Variants in RASSF8 observed in about 807,000 individuals in gnomAD.
RASSF8 encodes the protein ras association domain-containing protein 8.
RASSF8 carries 22 observed loss-of-function variants against 48.5 expected under a neutral mutation model. The observed-to-expected ratio is 0.45, with a 90% CI of 0.32 to 0.65. RASSF8 has a LOEUF of 0.65. Ranked by LOEUF, RASSF8 falls within the 30% of genes least tolerant of loss-of-function variation. The pLI, the probability that RASSF8 is intolerant of heterozygous loss-of-function variation, is 0.03. For missense variants in RASSF8, 418 were observed against 489.2 expected, an observed-to-expected ratio of 0.85 and a Z score of 1.37; for synonymous variants, 127 against 171.5, an observed-to-expected ratio of 0.74 and a Z score of 2.03.
At chr12:25,988,173 A>C (rs1260150676) in intron 1 of RASSF8, among the ~76,000 whole-genome samples, 21 of 151,996 alleles carry the variant, frequency 1.4e-4, no homozygotes, top group Admixed American at 1.4e-3. Context: ...AATTAATGTT[A>C]TTTTTTAAAA....
At chr12:26,012,377 C>T (rs987951440) in intron 2 of RASSF8, among the ~76,000 whole-genome samples, 8 of 152,162 alleles carry the variant, frequency 5.3e-5, no homozygotes, top group African/African-American at 1.7e-4. Context: ...TCCTCTTTTT[C>T]CTCAAATAGC....
chr12:26,018,166 T>C (rs1942696358), intron 2 of RASSF8, among the ~76,000 whole-genome samples: 1 of 152,242 alleles, frequency 6.6e-6, no homozygotes. Flanking sequence ...CCAGTTTTTG[T>C]TTACTTTTTT....
rs1487034604 is a variant in RASSF8 at position 26,069,460 on chromosome 12, A to G, written c.*642A>G. Reference sequence around the variant, plus strand: ...ATCTGGAATTTAGTCGTTCCTTTACAATATTTCCAAATATACGTGTGGCCA... The same window carrying G: ...ATCTGGAATTTAGTCGTTCCTTTACGATATTTCCAAATATACGTGTGGCCA... On this transcript the variant is annotated 3_prime_UTR_variant, in exon 6 of 6. Transcript: ENST00000689635. 8 of 985,320 alleles carry G rather than the reference A, an allele frequency of 8.1e-6. No individual in the cohort carries two copies. Among genetic ancestry groups the G allele is most frequent in the African/African-American group, 1.7e-5 (1 of 57,250 alleles). 61.0% of individuals were successfully genotyped at this position (985,320 alleles called of 1,614,324 possible).
At chr12:25,997,010 CT>C (rs1411493792) in intron 2 of RASSF8, among the ~76,000 whole-genome samples, 1 of 152,080 alleles carries the variant, frequency 6.6e-6, no homozygotes, top group Non-Finnish European at 1.5e-5. Context: ...ATCAGAATAG[CT>C]TTCTACTAAA....
At chr12:26,068,654 A>G in intron 5 of RASSF8, 43 bp from the exon 6 acceptor site, 1 of 1,442,160 alleles carries the variant, frequency 6.9e-7, no homozygotes, top group Non-Finnish European at 9.4e-7. Context: ...AAGTACTCCA[A>G]GTTGACGAGC....
At position 26,045,207 on chromosome 12, in the gene RASSF8, CAT is replaced by C; in HGVS notation, c.-108-10027_-108-10026del. On this transcript the variant is annotated intron_variant, in intron 2 of 5. Coordinates refer to ENST00000689635, the MANE Select transcript of RASSF8 (RefSeq NM_001394098.1). ...AAATAGCCTTAATTTAACAAAGACT[CAT>C]AGGGATCATGCATGATTGGTTTTAC... Among the ~76,000 whole-genome samples, 4 of 152,230 alleles carry C rather than the reference CAT, an allele frequency of 2.6e-5. No individual in the cohort carries two copies. In the Middle Eastern group the frequency reaches 0.014, roughly 518 times the overall value.
intron 2 of RASSF8, among the ~76,000 whole-genome samples, chr12:26,008,360 A>G (rs1238926519): frequency 6.6e-6 from 1 of 152,196 alleles, no homozygotes; most frequent in Non-Finnish European, 1.5e-5. Context: ...ATGTTGTTCC[A>G]TCCCCTTTAG....
intron 2 of RASSF8, among the ~76,000 whole-genome samples, chr12:25,997,470 T>C: frequency 6.6e-6 from 1 of 152,198 alleles, no homozygotes; most frequent in Admixed American, 6.5e-5. Flanking sequence ...TGTGTATGTG[T>C]GTGTGTGAGT....
intron 1 of RASSF8, among the ~76,000 whole-genome samples, chr12:25,969,000 G>C (rs534996778): frequency 6.6e-6 from 1 of 152,264 alleles, no homozygotes; most frequent in African/African-American, 2.4e-5. Context: ...CAGATAGAGG[G>C]CACAGTGCAG....
chr12:26,042,299 GTTGTT>G, intron 2 of RASSF8, among the ~76,000 whole-genome samples: 1 of 152,178 alleles, frequency 6.6e-6, no homozygotes, highest in East Asian at 1.9e-4. Flanking sequence ...ATGGGTCTGG[GTTGTT>G]TTGTTTTATT....
At chr12:26,019,534 A>G (rs1942735120) in intron 2 of RASSF8, among the ~76,000 whole-genome samples, 1 of 151,518 alleles carries the variant, frequency 6.6e-6, no homozygotes, top group African/African-American at 2.4e-5. Context: ...TTCTTCAGGC[A>G]CAGGCTTGTG....
downstream of RASSF8, among the ~76,000 whole-genome samples, chr12:26,077,085 A>G (rs972817239): frequency 6.6e-6 from 1 of 152,156 alleles, no homozygotes; most frequent in East Asian, 1.9e-4. Flanking sequence ...GTCTGCTCAT[A>G]TCCTTTGCCC....
At position 26,071,933 on chromosome 12, in the gene RASSF8, C is replaced by T; in HGVS notation, c.*3115C>T. On this transcript the variant is annotated 3_prime_UTR_variant, in exon 6 of 6. Transcript: ENST00000689635. Reference sequence around the variant, plus strand: ...TACATCTGCATTAAAGGATAATTTTCTCTGTGAATAAGAGCAAAATGGTCT... The same window carrying T: ...TACATCTGCATTAAAGGATAATTTTTTCTGTGAATAAGAGCAAAATGGTCT... 1 of 985,322 alleles carries T rather than the reference C, an allele frequency of 1.0e-6. No individual in the cohort carries two copies. Among genetic ancestry groups the T allele is most frequent in the Non-Finnish European group, 1.2e-6 (1 of 829,850 alleles). 61.0% of individuals were successfully genotyped at this position (985,322 alleles called of 1,614,324 possible).
rs570790003 is a variant in RASSF8 at position 25,982,961 on chromosome 12, A to G, written c.-202-12076A>G. Among the ~76,000 whole-genome samples the G allele has an allele frequency of 7.2e-5, 11 of 152,362 alleles. No homozygotes were observed. In the South Asian group the frequency reaches 2.3e-3, roughly 32 times the overall value. On this transcript the variant is annotated intron_variant, in intron 1 of 5. Transcript: ENST00000689635. ...TATAGTTGTAGAGTGGTTCCACCATAGTAGCACAAGGCAGAAGCTAGTGCA... is the reference window on the plus strand; with the variant it reads ...TATAGTTGTAGAGTGGTTCCACCATGGTAGCACAAGGCAGAAGCTAGTGCA...
rs1388780954 is a variant in RASSF8 at position 26,068,753 on chromosome 12, A to G, written c.1195A>G (p.Ser399Gly). 2.0e-6 allele frequency: 3 copies of G among 1,537,294 alleles called. No homozygotes were observed. Among genetic ancestry groups the G allele is most frequent in the Admixed American group, 2.0e-5 (1 of 50,992 alleles). Residue 399 changes from serine to glycine, a missense_variant, in exon 6 of 6, where the codon AGT becomes GGT. By Grantham distance (56) the Ser-to-Gly change is moderately conservative (BLOSUM62 0). Coordinates refer to ENST00000689635, the MANE Select transcript of RASSF8 (RefSeq NM_001394098.1). ...KRPGSSRQLP[S>G]NLRILQNPIS... is the part of the protein sequence containing the mutation. ...ACCTGGTTCATCTCGGCAGCTCCCC[A>G]GTAATCTCCGCATTCTGCAGAATCC...
upstream of RASSF8, chr12:25,958,556 C>G (rs2136792792): frequency 6.7e-6 from 1 of 149,002 alleles, no homozygotes; most frequent in Admixed American, 6.7e-5. Flanking sequence ...CCCGAGCGCC[C>G]GGCCGAGGGG....
intron 1 of RASSF8, among the ~76,000 whole-genome samples, chr12:25,959,953 T>C (rs549209935): frequency 7.9e-5 from 12 of 152,284 alleles, no homozygotes; most frequent in South Asian, 4.2e-4. Flanking sequence ...TGCTGATCTT[T>C]AGGGATTTAG....
chr12:26,035,471 T>C (rs915028754), intron 2 of RASSF8, among the ~76,000 whole-genome samples: 1 of 112,464 alleles, frequency 8.9e-6, no homozygotes, highest in African/African-American at 2.9e-5. Context: ...TATAATTATA[T>C]TATATAATTA....
At chr12:25,959,257 AC>A (rs1045148020) in intron 1 of RASSF8, 109 bp downstream of exon 1, 1 of 151,948 alleles carries the variant, frequency 6.6e-6, no homozygotes, top group Non-Finnish European at 1.5e-5. Context: ...CTCTCTCCGC[AC>A]CTTGGGTACC....
Sources: gnomAD v4.1 joint callset for allele counts (sites outside exome capture counted in the v4.1 genomes callset) on GRCh38, gnomAD v4.1.1 for gene constraint, MANE v1.5 for transcripts, NCBI Gene and HGNC (gene_info 2026-07-23, HGNC 2026-07-21) for gene names.